The following ENTPD1 variants were observed in gnomAD, a reference collection of about 807,000 sequenced individuals.
ENTPD1 encodes ectonucleoside triphosphate diphosphohydrolase 1, also known as ATP diphosphohydrolase.
Under a neutral mutation model 57.0 loss-of-function variants are expected in ENTPD1, and 33 were observed. The observed-to-expected ratio is 0.58, with a 90% CI of 0.44 to 0.77. The LOEUF (loss-of-function observed/expected upper bound fraction) is 0.77. Among genes scored for constraint, ENTPD1 ranks in the 30% least tolerant of loss-of-function variants. ENTPD1 has a pLI of 0.00. For synonymous variants in ENTPD1, 202 were observed against 218.8 expected (o/e 0.92, Z 0.68); for missense variants, 501 against 603.4 (o/e 0.83, Z 1.78).
chr10:95,748,987 C>A (rs1435964594), intron 1 of ENTPD1, among the ~76,000 whole-genome samples: 5 of 152,188 alleles, frequency 3.3e-5, no homozygotes, highest in African/African-American at 9.7e-5. Flanking sequence ...TTTGGGAAGA[C>A]AGCTTCAGAG....
At chr10:95,781,430 A>T (rs1308353867) in intron 1 of ENTPD1, among the ~76,000 whole-genome samples, 1 of 152,202 alleles carries the variant, frequency 6.6e-6, no homozygotes, top group Non-Finnish European at 1.5e-5. Context: ...ACATTTAAAA[A>T]TAACTAAAAG....
chr10:95,832,448 G>C (rs1219432775), intron 2 of ENTPD1, among the ~76,000 whole-genome samples: 1 of 152,056 alleles, frequency 6.6e-6, no homozygotes, highest in African/African-American at 2.4e-5. Flanking sequence ...GACTCCCCCT[G>C]GGAAAGTACC....
chr10:95,739,353 A>G (rs551974416), intron 1 of ENTPD1, among the ~76,000 whole-genome samples: 12 of 152,332 alleles, frequency 7.9e-5, no homozygotes, highest in Admixed American at 2.6e-4. Flanking sequence ...TAGGACTTTC[A>G]AAATTGGTGT....
At chr10:95,859,098 T>C (rs2098460743) in intron 7 of ENTPD1, among the ~76,000 whole-genome samples, 1 of 152,168 alleles carries the variant, frequency 6.6e-6, no homozygotes, top group African/African-American at 2.4e-5. Context: ...AAGGAAAATT[T>C]ATTAAAAAGG....
At chr10:95,755,218 A>G (rs187484616), upstream of ENTPD1, 506 of 155,722 alleles carry the variant, frequency 3.2e-3, 2 homozygotes, top group African/African-American at 0.011. Context: ...GTATGTGAGC[A>G]TGAGCAGGTG....
chr10:95,870,497 T>A lies in ENTPD1; in HGVS notation c.*4114T>A. On this transcript the variant is annotated 3_prime_UTR_variant, in exon 10 of 10. Transcript: ENST00000371205. Reference sequence around the variant, plus strand: ...TTTTCCTATGTTGTCCAGGCTGGTCTCGAACTCCTGCCCTCAAGCAATCCT... The same window carrying A: ...TTTTCCTATGTTGTCCAGGCTGGTCACGAACTCCTGCCCTCAAGCAATCCT... 2 of 908,370 alleles carry A rather than the reference T, an allele frequency of 2.2e-6. No homozygotes were observed. Among genetic ancestry groups the A allele is most frequent in the Non-Finnish European group, 2.6e-6 (2 of 759,780 alleles). 56.3% of individuals were successfully genotyped at this position (908,370 alleles called of 1,614,324 possible).
chr10:95,839,597 C>T, intron 2 of ENTPD1, 94 bp from the exon 3 acceptor site: 1 of 1,258,622 alleles, frequency 7.9e-7, no homozygotes, highest in Non-Finnish European at 1.2e-6. Context: ...ACTTTCTCCT[C>T]ATGTTTTTGA....
intron 1 of ENTPD1, among the ~76,000 whole-genome samples, chr10:95,771,353 C>T (rs1256666160): frequency 6.6e-6 from 1 of 152,162 alleles, no homozygotes; most frequent in African/African-American, 2.4e-5. Context: ...AATCTCATTT[C>T]ACATCTTTGA....
At chr10:95,753,313 T>C (rs1342427827), upstream of ENTPD1, 1 of 152,226 alleles carries the variant, frequency 6.6e-6, no homozygotes, top group Non-Finnish European at 1.5e-5. Flanking sequence ...GGTGATAATA[T>C]ATACTTAACC....
intron 1 of ENTPD1, among the ~76,000 whole-genome samples, chr10:95,802,496 T>C (rs1434172954): frequency 6.6e-6 from 1 of 152,164 alleles, no homozygotes; most frequent in African/African-American, 2.4e-5. Context: ...CTAGGGTACA[T>C]GTGCAGAACA....
chr10:95,711,776 C>T (rs2097965781), upstream of ENTPD1: 1 of 761,814 alleles, frequency 1.3e-6, no homozygotes, highest in Non-Finnish European at 2.2e-6. Flanking sequence ...TCTGCAGTCT[C>T]CTGTGTACGT....
intron 1 of ENTPD1, among the ~76,000 whole-genome samples, chr10:95,788,010 G>A (rs1484881245): frequency 6.6e-6 from 1 of 152,084 alleles, no homozygotes; most frequent in Non-Finnish European, 1.5e-5. Context: ...AGTAGAACAT[G>A]TGAAGAATTC....
chr10:95,871,792 T>C lies in ENTPD1; in HGVS notation c.*5409T>C, dbSNP rs2098480772. The C allele has an allele frequency of 3.0e-6, 3 of 985,460 alleles. No individual in the cohort carries two copies. Among genetic ancestry groups the C allele is most frequent in the Non-Finnish European group, 3.6e-6 (3 of 829,930 alleles). 61.0% of individuals were successfully genotyped at this position (985,460 alleles called of 1,614,324 possible). A position where few individuals can be genotyped will look rare whatever the true frequency, so the allele number is the denominator to read the frequency against. ...TTTTTATAACCCCTTTGCATGTATG[T>C]TGAATAGCAAAGTTCATCAGAGAAC... is the stretch of plus-strand genomic sequence containing the variant. On this transcript the variant is annotated 3_prime_UTR_variant, in exon 10 of 10. Coordinates refer to ENST00000371205, the MANE Select transcript of ENTPD1 (RefSeq NM_001776.6).
At chr10:95,779,800 A>C (rs1349811449) in intron 1 of ENTPD1, among the ~76,000 whole-genome samples, 1 of 152,172 alleles carries the variant, frequency 6.6e-6, no homozygotes, top group Non-Finnish European at 1.5e-5. Flanking sequence ...TGCACAAACA[A>C]ACACTATCGT....
chr10:95,809,709 C>T (rs865913872), intron 1 of ENTPD1, among the ~76,000 whole-genome samples: 7 of 145,946 alleles, frequency 4.8e-5, no homozygotes, highest in Middle Eastern at 4.2e-3. Flanking sequence ...CCCCACCCCC[C>T]AGACGGGGTG....
intron 5 of ENTPD1, 30 bp downstream of exon 5, chr10:95,844,665 G>T (rs760585275): frequency 3.1e-6 from 5 of 1,613,494 alleles, no homozygotes; most frequent in Non-Finnish European, 4.2e-6. Flanking sequence ...CATGGAGGTG[G>T]CTCTCTGGAG....
chr10:95,835,970 T>C (rs1191778014), intron 2 of ENTPD1, among the ~76,000 whole-genome samples: 1 of 152,202 alleles, frequency 6.6e-6, no homozygotes, highest in African/African-American at 2.4e-5. Context: ...CTTACAGTTA[T>C]GTGTTTATTC....
intron 1 of ENTPD1, among the ~76,000 whole-genome samples, chr10:95,792,754 C>G (rs1403113027): frequency 6.6e-6 from 1 of 152,086 alleles, no homozygotes; most frequent in East Asian, 1.9e-4. Context: ...GGGGTTTAGT[C>G]CAAAACAGTG....
chr10:95,759,881 G>A (rs1032859769), intron 1 of ENTPD1, among the ~76,000 whole-genome samples: 2 of 152,198 alleles, frequency 1.3e-5, no homozygotes, highest in African/African-American at 4.8e-5. Context: ...AGGTCATTTG[G>A]TTAAGGCCAC....
Sources: gnomAD v4.1 joint callset for allele counts (sites outside exome capture counted in the v4.1 genomes callset) on GRCh38, gnomAD v4.1.1 for gene constraint, MANE v1.5 for transcripts, NCBI Gene and HGNC (gene_info 2026-07-23, HGNC 2026-07-21) for gene names.